STARD8: variants seen among roughly 807,000 people sequenced by gnomAD.
STARD8 encodes StAR related lipid transfer domain containing 8.
A neutral mutation model predicts 69.4 loss-of-function variants in STARD8; 25 were observed. That is an observed-to-expected ratio of 0.36 (90% confidence interval 0.26 to 0.50). The LOEUF (loss-of-function observed/expected upper bound fraction) is 0.50. Ranked by LOEUF, STARD8 falls within the 20% of genes least tolerant of loss-of-function variation. The pLI is 0.96. For synonymous variants in STARD8, 389 were observed against 374.6 expected, an observed-to-expected ratio of 1.04 and a Z score of -0.45; for missense variants, 921 against 932.5, an observed-to-expected ratio of 0.99 and a Z score of 0.16.
chrX:68,708,951 TG>T (rs1408002101), intron 2 of STARD8, among the ~76,000 whole-genome samples: 3 of 109,497 alleles, frequency 2.7e-5, no homozygotes, highest in Admixed American at 9.6e-5. Context: ...TCGAGTCTAC[TG>T]GGGGTGGGGG....
intron 2 of STARD8, among the ~76,000 whole-genome samples, chrX:68,687,474 T>C (rs914400566): frequency 6.5e-4 from 73 of 111,769 alleles, no homozygotes; most frequent in African/African-American, 2.3e-3. Context: ...GCTGGGATTA[T>C]TGCACCCAGC....
intron 2 of STARD8, among the ~76,000 whole-genome samples, chrX:68,682,022 A>G (rs1441884757): frequency 9.5e-6 from 1 of 105,123 alleles, no homozygotes; most frequent in Non-Finnish European, 1.9e-5. Flanking sequence ...TTTTTCAGAC[A>G]GAGTCTCGCT....
chrX:68,694,935 T>C (rs2079907791), intron 2 of STARD8, among the ~76,000 whole-genome samples: 1 of 110,729 alleles, frequency 9.0e-6, no homozygotes, highest in African/African-American at 3.3e-5. Context: ...GCTTGGAGCC[T>C]ATGCTTACCC....
intron 3 of STARD8, among the ~76,000 whole-genome samples, chrX:68,713,502 A>G (rs764697053): frequency 9.9e-5 from 11 of 111,385 alleles, no homozygotes; most frequent in Admixed American, 6.6e-4. Context: ...TGGTCAATTC[A>G]CCAGTGACCT....
At chrX:68,673,847 G>T (rs771998520) in intron 2 of STARD8, among the ~76,000 whole-genome samples, 2 of 112,028 alleles carry the variant, frequency 1.8e-5, no homozygotes, top group South Asian at 7.5e-4. Flanking sequence ...ACATACCATT[G>T]TCTCCCCTGA....
chrX:68,718,492 C>T lies in STARD8; in HGVS notation c.1578C>T (p.Ala526=). The T allele has an allele frequency of 8.2e-7, 1 of 1,212,181 alleles. No homozygotes were observed. The highest frequency in any genetic ancestry group is 1.8e-5 in the South Asian group (1 of 56,963). ...GACACTCCATTTCTGACACTGTGGCCTCCTCCAGCGAACTTGACAGTAGTG... is the reference window on the plus strand; with the variant it reads ...GACACTCCATTTCTGACACTGTGGCTTCCTCCAGCGAACTTGACAGTAGTG... The part of the protein sequence containing the change: ...EEGHSISDTV[A]SSSELDSSGN... Residue 526 remains alanine, a synonymous_variant, in exon 6 of 15, where the codon GCC becomes GCT. Coordinates refer to ENST00000374599, the MANE Select transcript of STARD8 (RefSeq NM_001142503.3).
chrX:68,720,177 C>T, intron 7 of STARD8, 87 bp from the exon 8 acceptor site: 3 of 1,041,477 alleles, frequency 2.9e-6, no homozygotes. Flanking sequence ...GCCTTACCCC[C>T]CTCACCCCAC....
intron 2 of STARD8, among the ~76,000 whole-genome samples, chrX:68,697,120 A>G (rs1296285459): frequency 8.9e-6 from 1 of 112,040 alleles, no homozygotes; most frequent in African/African-American, 3.3e-5. Flanking sequence ...ATATTTCAAT[A>G]CGTATTTCTA....
At chrX:68,712,450 C>T (rs191701639) in intron 2 of STARD8, among the ~76,000 whole-genome samples, 2 of 112,560 alleles carry the variant, frequency 1.8e-5, no homozygotes, top group East Asian at 5.6e-4. Context: ...ATGTTAGATG[C>T]GATGATGAGA....
At chrX:68,703,469 C>T (rs2079981764) in intron 2 of STARD8, among the ~76,000 whole-genome samples, 2 of 112,665 alleles carry the variant, frequency 1.8e-5, no homozygotes, top group East Asian at 2.8e-4. Flanking sequence ...CCCTAGGCTC[C>T]GCCCCTTGCT....
At chrX:68,705,427 G>A (rs894896757) in intron 2 of STARD8, among the ~76,000 whole-genome samples, 2 of 112,490 alleles carry the variant, frequency 1.8e-5, no homozygotes, top group Non-Finnish European at 3.8e-5. Context: ...ACTGCTTCAC[G>A]GAGAGGAGCG....
chrX:68,668,254 CT>C (rs2079703349), intron 2 of STARD8, among the ~76,000 whole-genome samples: 1 of 81,609 alleles, frequency 1.2e-5, no homozygotes, highest in African/African-American at 5.9e-5. Flanking sequence ...TTCTTTCTTT[CT>C]TTCTTTCTTT....
At chrX:68,676,613 C>G (rs2079767057) in intron 2 of STARD8, among the ~76,000 whole-genome samples, 1 of 111,646 alleles carries the variant, frequency 9.0e-6, no homozygotes. Context: ...CTCCCACTTT[C>G]AAATCCCCAT....
At chrX:68,680,410 C>T (rs1463734642) in intron 2 of STARD8, among the ~76,000 whole-genome samples, 1 of 112,277 alleles carries the variant, frequency 8.9e-6, no homozygotes, top group African/African-American at 3.2e-5. Context: ...GGTGCTCTCT[C>T]AGGCACTGGC....
intron 1 of STARD8, among the ~76,000 whole-genome samples, chrX:68,652,756 ACTCCC>A: frequency 2.2e-5 from 1 of 46,228 alleles, no homozygotes; most frequent in Non-Finnish European, 4.1e-5. Flanking sequence ...CATACACCAC[ACTCCC>A]CCACACACAC....
At chrX:68,715,207 C>T in intron 3 of STARD8, 87 bp from the exon 4 acceptor site, 1 of 818,558 alleles carries the variant, frequency 1.2e-6, no homozygotes, top group Non-Finnish European at 1.7e-6. Flanking sequence ...CCCCTCCTTC[C>T]TGGCCGTTCC....
Position 68,719,288 on chromosome X carries a change from G to T in STARD8, c.1779G>T (p.Glu593Asp). ...CCAGCCTCAACTCAGAGTCGCTGGA[G>T]ATCAACCGGCAGTTTGCAGGCCAGA... ...HRPSLNSESL[E>D]INRQFAGQIN... The change falls in exon 7 of 15, where the codon GAG becomes GAT. Residue 593 changes from glutamate to aspartate, a missense_variant. Physicochemically the swap from Glu to Asp is conservative, Grantham distance 45. Coordinates refer to ENST00000374599, the MANE Select transcript of STARD8 (RefSeq NM_001142503.3). The T allele has an allele frequency of 8.3e-7, 1 of 1,209,352 alleles. No homozygotes were observed. Among genetic ancestry groups the T allele is most frequent in the Non-Finnish European group, 1.1e-6 (1 of 894,215 alleles).
intron 2 of STARD8, among the ~76,000 whole-genome samples, chrX:68,675,050 G>A (rs776169577): frequency 5.6e-5 from 6 of 107,362 alleles, no homozygotes; most frequent in African/African-American, 1.7e-4. Context: ...TCCGCCTCCC[G>A]GGTTCAAGCG....
chrX:68,657,162 C>T (rs997204892), intron 1 of STARD8, among the ~76,000 whole-genome samples: 4 of 111,661 alleles, frequency 3.6e-5, no homozygotes, highest in Non-Finnish European at 7.5e-5. Context: ...AAGCATTGCT[C>T]ATCTTTATTA....
Sources: allele counts gnomAD v4.1 joint callset (sites outside exome capture counted in the v4.1 genomes callset), GRCh38; gene constraint gnomAD v4.1.1; transcripts MANE v1.5; gene names NCBI Gene and HGNC (gene_info 2026-07-23, HGNC 2026-07-21).